KCNQ5: variants seen among roughly 807,000 people sequenced by gnomAD.
The protein encoded by KCNQ5 is potassium voltage-gated channel subfamily Q member 5, also known as potassium voltage-gated channel subfamily KQT member 5.
In KCNQ5, 30 loss-of-function variants were observed where a neutral mutation model predicts 98.2. The ratio of observed to expected loss-of-function variants is 0.31; its 90% CI spans 0.23 to 0.41. The LOEUF (loss-of-function observed/expected upper bound fraction) is 0.41, where lower values mean the gene tolerates loss of function less well. KCNQ5 is among the 10% of genes least tolerant of loss of function. KCNQ5 has a pLI of 1.00. For missense variants in KCNQ5, 835 were observed against 1,182.5 expected (o/e 0.71, Z 4.31); for synonymous variants, 458 against 449.4 (o/e 1.02, Z -0.24).
intron 5 of KCNQ5, among the ~76,000 whole-genome samples, chr6:73,104,897 G>A (rs117608876): frequency 3.5e-4 from 54 of 152,286 alleles, no homozygotes; most frequent in Admixed American, 1.1e-3. Flanking sequence ...CTAAGGTAAC[G>A]AAGGGACAGC....
At chr6:73,130,511 G>A (rs1245080618) in intron 9 of KCNQ5, among the ~76,000 whole-genome samples, 1 of 152,070 alleles carries the variant, frequency 6.6e-6, no homozygotes, top group East Asian at 1.9e-4. Flanking sequence ...AGACCTCCTT[G>A]TTGGTCTCTT....
At chr6:72,674,082 T>A (rs1767279258) in intron 1 of KCNQ5, among the ~76,000 whole-genome samples, 1 of 152,222 alleles carries the variant, frequency 6.6e-6, no homozygotes, top group Non-Finnish European at 1.5e-5. Context: ...TTTCTAGCCT[T>A]AAAGACTTAA....
At chr6:72,776,452 G>T (rs970152841) in intron 1 of KCNQ5, among the ~76,000 whole-genome samples, 1 of 152,184 alleles carries the variant, frequency 6.6e-6, no homozygotes, top group African/African-American at 2.4e-5. Context: ...CAAACTTCAT[G>T]CAGAAGAGAT....
intron 1 of KCNQ5, among the ~76,000 whole-genome samples, chr6:72,769,140 A>G (rs1274419530): frequency 6.6e-6 from 1 of 152,110 alleles, no homozygotes; most frequent in Non-Finnish European, 1.5e-5. Context: ...AAGAGAACAG[A>G]GTTAAATAAT....
At chr6:72,632,551 T>G (rs9360573) in intron 1 of KCNQ5, among the ~76,000 whole-genome samples, 1 of 151,914 alleles carries the variant, frequency 6.6e-6, no homozygotes, top group Non-Finnish European at 1.5e-5. Flanking sequence ...AGTACCCAAT[T>G]GTTAGTTTTT....
intron 1 of KCNQ5, among the ~76,000 whole-genome samples, chr6:72,771,290 T>C (rs996104371): frequency 2.6e-5 from 4 of 152,140 alleles, no homozygotes; most frequent in African/African-American, 9.7e-5. Flanking sequence ...TTCCAACTTA[T>C]GAAAATAACA....
chr6:73,071,596 A>C (rs968243202), intron 3 of KCNQ5, among the ~76,000 whole-genome samples: 3 of 152,166 alleles, frequency 2.0e-5, no homozygotes, highest in African/African-American at 7.2e-5. Context: ...GGCTGCCTCC[A>C]CTCATGGCAG....
chr6:72,762,823 A>G (rs1159619699), intron 1 of KCNQ5, among the ~76,000 whole-genome samples: 1 of 152,072 alleles, frequency 6.6e-6, no homozygotes, highest in Non-Finnish European at 1.5e-5. Context: ...ACAATCATCA[A>G]TTTTAGTTAG....
chr6:73,111,610 C>A (rs1341401534), intron 7 of KCNQ5, among the ~76,000 whole-genome samples: 3 of 152,174 alleles, frequency 2.0e-5, no homozygotes, highest in Non-Finnish European at 4.4e-5. Flanking sequence ...GTATTTTTAG[C>A]AAATGGTCCA....
intron 8 of KCNQ5, among the ~76,000 whole-genome samples, chr6:73,124,208 G>A (rs1464845517): frequency 2.0e-5 from 3 of 152,178 alleles, no homozygotes; most frequent in African/African-American, 7.2e-5. Flanking sequence ...CTTAGCCATG[G>A]ATAGCTTTGG....
intron 3 of KCNQ5, among the ~76,000 whole-genome samples, chr6:73,042,409 A>G (rs973079345): frequency 3.9e-5 from 6 of 152,176 alleles, no homozygotes; most frequent in African/African-American, 1.4e-4. Flanking sequence ...ATGGAAATAC[A>G]TGTTTCTCCA....
chr6:72,820,818 G>A (rs1484040089), intron 1 of KCNQ5, among the ~76,000 whole-genome samples: 3 of 152,054 alleles, frequency 2.0e-5, no homozygotes, highest in Non-Finnish European at 2.9e-5. Context: ...CAACACATAC[G>A]GTGTTTATGA....
chr6:72,957,415 C>A (rs567331028), intron 1 of KCNQ5, among the ~76,000 whole-genome samples: 6 of 152,178 alleles, frequency 3.9e-5, no homozygotes, highest in African/African-American at 1.4e-4. Context: ...AAATGATCTG[C>A]CTGCCTTGGC....
chr6:73,182,002 G>A (rs1778418338), intron 11 of KCNQ5, among the ~76,000 whole-genome samples: 1 of 152,182 alleles, frequency 6.6e-6, no homozygotes, highest in Non-Finnish European at 1.5e-5. Flanking sequence ...CTTTCTAGTA[G>A]GAAATACACA....
chr6:72,717,991 C>T (rs1769734980), intron 1 of KCNQ5, among the ~76,000 whole-genome samples: 3 of 152,296 alleles, frequency 2.0e-5, no homozygotes, highest in African/African-American at 4.8e-5. Context: ...TTCTCCCAAA[C>T]ATCATATGCC....
rs2098915399 is a variant in KCNQ5, at chr6:72,622,080, C to A, written c.-110C>A. 2.1e-6 allele frequency: 2 copies of A among 955,474 alleles called. No individual in the cohort carries two copies. The highest frequency in any genetic ancestry group is 2.7e-6 in the Non-Finnish European group (2 of 743,730). The allele number at this position is 955,474 out of a possible 1,614,324, so 59.2% of individuals were successfully genotyped here. A position where few individuals can be genotyped will look rare whatever the true frequency, so the allele number is the denominator to read the frequency against. On this transcript the variant is annotated 5_prime_UTR_variant, in exon 1 of 14. Coordinates refer to ENST00000370398, the MANE Select transcript of KCNQ5 (RefSeq NM_019842.4). This position sits in a 1 kb window ranked among gnomAD's most constrained non-coding sequence, Gnocchi z 6.0. ...CCCCGGCTCAGAGGTCTCTGGCTGG[C>A]GGGCGCCCCGTCGGCCGCCGGCTTC...
intron 1 of KCNQ5, among the ~76,000 whole-genome samples, chr6:73,001,984 C>T (rs1394322958): frequency 9.8e-6 from 1 of 102,244 alleles, no homozygotes; most frequent in Admixed American, 1.1e-4. Context: ...ATTAGCCAGG[C>T]CTGCTGGCCT....
chr6:73,009,480 G>A (rs1393550041), intron 2 of KCNQ5, among the ~76,000 whole-genome samples: 1 of 151,516 alleles, frequency 6.6e-6, no homozygotes, highest in Admixed American at 6.6e-5. Flanking sequence ...ACAACTTAAG[G>A]AGCTAAAAAA....
At chr6:72,977,358 T>C (rs1460755970) in intron 1 of KCNQ5, among the ~76,000 whole-genome samples, 1 of 152,122 alleles carries the variant, frequency 6.6e-6, no homozygotes, top group Non-Finnish European at 1.5e-5. Flanking sequence ...TGTTATTATG[T>C]TACAGCATGA....
Sources: allele counts gnomAD v4.1 joint callset (sites outside exome capture counted in the v4.1 genomes callset), GRCh38; gene constraint gnomAD v4.1.1; non-coding constraint Gnocchi (gnomAD v3.1); transcripts MANE v1.5; gene names NCBI Gene and HGNC (gene_info 2026-07-23, HGNC 2026-07-21).